PRKCE: variants seen among roughly 807,000 people sequenced by gnomAD.
PRKCE encodes protein kinase C epsilon type.
PRKCE carries 16 observed loss-of-function variants against 85.4 expected under a neutral mutation model. The ratio of observed to expected loss-of-function variants is 0.19; its 90% CI spans 0.13 to 0.28. PRKCE has a LOEUF of 0.28. PRKCE is among the 10% of genes least tolerant of loss of function. PRKCE has a pLI of 1.00. For synonymous variants in PRKCE, 388 were observed against 371.5 expected, an observed-to-expected ratio of 1.04 and a Z score of -0.51; for missense variants, 573 against 975.2, an observed-to-expected ratio of 0.59 and a Z score of 5.49.
In PRKCE at chr2:46,001,516, A is replaced by G; in HGVS notation, c.936A>G (p.Lys312=). 1 of 1,599,044 alleles carries G rather than the reference A, an allele frequency of 6.3e-7. No homozygotes were observed. Among genetic ancestry groups the G allele is most frequent in the Non-Finnish European group, 8.5e-7 (1 of 1,179,624 alleles). Residue 312 remains lysine, a synonymous_variant, in exon 7 of 15, where the codon AAA becomes AAG. Transcript: ENST00000306156. The surrounding 1 kb of genome is among the most constrained non-coding windows in gnomAD (Gnocchi z 4.4). ...VLADLGVTPD[K]ITNSGQRRKK... Reference sequence around the variant, plus strand: ...CCGACCTGGGCGTTACCCCAGACAAAATCACCAACAGCGGCCAGAGAAGGA... The same window carrying G: ...CCGACCTGGGCGTTACCCCAGACAAGATCACCAACAGCGGCCAGAGAAGGA...
At chr2:46,171,109 G>A (rs1244132379) in intron 14 of PRKCE, among the ~76,000 whole-genome samples, 1 of 152,268 alleles carries the variant, frequency 6.6e-6, no homozygotes, top group East Asian at 1.9e-4. Context: ...CTGCTGCATC[G>A]CCAGGCTCGG....
At chr2:45,858,162 C>T (rs190163666) in intron 2 of PRKCE, among the ~76,000 whole-genome samples, 191 of 152,326 alleles carry the variant, frequency 1.3e-3, no homozygotes, top group African/African-American at 4.3e-3. Context: ...TTGCTCAGGC[C>T]ACTCAACCTC....
chr2:45,962,488 C>T (rs1357282696), intron 2 of PRKCE, among the ~76,000 whole-genome samples: 1 of 152,198 alleles, frequency 6.6e-6, no homozygotes, highest in Non-Finnish European at 1.5e-5. Flanking sequence ...CACCACCCCC[C>T]TTCCTTTTTT....
intron 1 of PRKCE, among the ~76,000 whole-genome samples, chr2:45,778,524 A>C: frequency 6.6e-6 from 1 of 152,094 alleles, no homozygotes; most frequent in East Asian, 1.9e-4. Context: ...AGATGGTCCC[A>C]CTACTTTCAC....
intron 10 of PRKCE, among the ~76,000 whole-genome samples, chr2:46,076,758 A>G (rs1258420690): frequency 1.3e-5 from 2 of 152,194 alleles, no homozygotes; most frequent in Non-Finnish European, 1.5e-5. Context: ...TCTCTGGCTT[A>G]TAGACAATCA....
At position 45,912,250 on chromosome 2, in the gene PRKCE, G is replaced by A. The variant is rs186241252; in HGVS notation, c.413-64179G>A. On this transcript the variant is annotated intron_variant, in intron 2 of 14. Coordinates refer to ENST00000306156, the MANE Select transcript of PRKCE (RefSeq NM_005400.3). Reference sequence around the variant, plus strand: ...AGGGAAGGTGTTATCCCGTGACAGAGTTGAGATAAGGGGTCAATGTCCAGC... The same window carrying A: ...AGGGAAGGTGTTATCCCGTGACAGAATTGAGATAAGGGGTCAATGTCCAGC... Among the ~76,000 whole-genome samples, 561 of 152,276 alleles carry A rather than the reference G, an allele frequency of 3.7e-3. 3 individuals are homozygous for A. Among genetic ancestry groups the A allele is most frequent in the Non-Finnish European group, 5.8e-3 (397 of 68,026 alleles).
At chr2:45,991,476 G>A (rs779601420) in intron 6 of PRKCE, among the ~76,000 whole-genome samples, 1 of 152,136 alleles carries the variant, frequency 6.6e-6, no homozygotes, top group Non-Finnish European at 1.5e-5. Context: ...TATATAATTT[G>A]CTTTTCTACA....
intron 1 of PRKCE, among the ~76,000 whole-genome samples, chr2:45,766,516 C>CA (rs1351866665): frequency 2.6e-5 from 4 of 152,040 alleles, no homozygotes; most frequent in African/African-American, 9.7e-5. Context: ...GACACGGAGA[C>CA]AGAGAGAGAT....
intron 11 of PRKCE, among the ~76,000 whole-genome samples, chr2:46,114,266 A>G (rs1171590652): frequency 6.6e-6 from 1 of 152,090 alleles, no homozygotes; most frequent in Non-Finnish European, 1.5e-5. Context: ...ATGAGAGGAC[A>G]TTTCTGTGCC....
chr2:46,024,531 A>C (rs866033701), intron 10 of PRKCE, among the ~76,000 whole-genome samples: 2 of 152,112 alleles, frequency 1.3e-5, no homozygotes, highest in African/African-American at 4.8e-5. Flanking sequence ...TATGTAATCC[A>C]TTTTATCGGG....
chr2:45,836,936 C>G (rs989226624), intron 1 of PRKCE, among the ~76,000 whole-genome samples: 5 of 152,174 alleles, frequency 3.3e-5, no homozygotes, highest in African/African-American at 1.2e-4. Context: ...AAGTGAAACT[C>G]GAATTGGGCC....
At chr2:46,089,954 G>T (rs1056301201) in intron 11 of PRKCE, among the ~76,000 whole-genome samples, 4 of 152,114 alleles carry the variant, frequency 2.6e-5, no homozygotes, top group African/African-American at 7.2e-5. Flanking sequence ...GTCTGCATCA[G>T]TGGTTCCCAG....
At chr2:45,820,882 C>G (rs1383113901) in intron 1 of PRKCE, among the ~76,000 whole-genome samples, 4 of 152,102 alleles carry the variant, frequency 2.6e-5, no homozygotes, top group Non-Finnish European at 5.9e-5. Context: ...CCTTCTGTCT[C>G]CCCACCCCCT....
intron 2 of PRKCE, among the ~76,000 whole-genome samples, chr2:45,909,357 A>G (rs544675859): frequency 6.6e-6 from 1 of 152,324 alleles, no homozygotes; most frequent in African/African-American, 2.4e-5. Context: ...TCATTTTCTC[A>G]TTAGAGCTGA....
chr2:45,954,627 T>C (rs1450051969), intron 2 of PRKCE, among the ~76,000 whole-genome samples: 1 of 152,196 alleles, frequency 6.6e-6, no homozygotes, highest in Non-Finnish European at 1.5e-5. Flanking sequence ...AAAAGTAATG[T>C]ATAGAATTTG....
At chr2:46,051,927 C>T (rs891357172) in intron 10 of PRKCE, among the ~76,000 whole-genome samples, 4 of 152,132 alleles carry the variant, frequency 2.6e-5, no homozygotes, top group African/African-American at 9.7e-5. Flanking sequence ...CTTATGAAGC[C>T]ATCAGATCTC....
At chr2:46,127,437 T>G (rs1673971554) in intron 11 of PRKCE, among the ~76,000 whole-genome samples, 1 of 152,246 alleles carries the variant, frequency 6.6e-6, no homozygotes. Flanking sequence ...TTCACAGTCA[T>G]GGCAATATTC....
At chr2:45,831,280 G>A (rs1690402058) in intron 1 of PRKCE, among the ~76,000 whole-genome samples, 1 of 152,248 alleles carries the variant, frequency 6.6e-6, no homozygotes, top group African/African-American at 2.4e-5. Context: ...AAGACGATTA[G>A]TTTTCAGATT....
chr2:45,707,233 G>A (rs1050040446), intron 1 of PRKCE, among the ~76,000 whole-genome samples: 5 of 152,180 alleles, frequency 3.3e-5, no homozygotes, highest in Non-Finnish European at 5.9e-5. Context: ...TCTGCTTGCA[G>A]CCCAGGCCTG....
Sources: allele counts gnomAD v4.1 joint callset (sites outside exome capture counted in the v4.1 genomes callset), GRCh38; gene constraint gnomAD v4.1.1; non-coding constraint Gnocchi (gnomAD v3.1); transcripts MANE v1.5; gene names NCBI Gene and HGNC (gene_info 2026-07-23, HGNC 2026-07-21).